Variants in TASP1 observed in about 807,000 individuals in gnomAD.
The protein encoded by TASP1 is taspase 1.
Under a neutral mutation model 56.6 loss-of-function variants are expected in TASP1, and 16 were observed. The ratio of observed to expected loss-of-function variants is 0.28; its 90% CI spans 0.19 to 0.43. TASP1 has a LOEUF of 0.43. Ranked by LOEUF, TASP1 falls within the 20% of genes least tolerant of loss-of-function variation. The pLI is 1.00. For synonymous variants in TASP1, 179 were observed against 184.2 expected, an observed-to-expected ratio of 0.97 and a Z score of 0.23; for missense variants, 393 against 511.6, an observed-to-expected ratio of 0.77 and a Z score of 2.24.
intron 10 of TASP1, among the ~76,000 whole-genome samples, chr20:13,525,750 A>T (rs746255353): frequency 6.6e-6 from 1 of 152,138 alleles, no homozygotes; most frequent in Non-Finnish European, 1.5e-5. Flanking sequence ...TCCATTGTCA[A>T]CTTCATAGCA....
chr20:13,622,044 C>T (rs535383073), intron 4 of TASP1, among the ~76,000 whole-genome samples: 2 of 152,250 alleles, frequency 1.3e-5, no homozygotes, highest in South Asian at 2.1e-4. Context: ...ATATAATTAA[C>T]CTTTCTTTGA....
the TASP1 span, among the ~76,000 whole-genome samples, chr20:13,294,687 T>C: frequency 2.6e-5 from 4 of 152,116 alleles, no homozygotes; most frequent in African/African-American, 7.2e-5. Context: ...AGTGGAAGGA[T>C]TGAACTTTCA....
the TASP1 span, among the ~76,000 whole-genome samples, chr20:13,271,967 C>T: frequency 6.6e-6 from 1 of 152,034 alleles, no homozygotes; most frequent in Non-Finnish European, 1.5e-5. Flanking sequence ...TTTGTAGAAA[C>T]AGGGTTTTGC....
intron 7 of TASP1, among the ~76,000 whole-genome samples, chr20:13,562,290 C>T (rs2046369441): frequency 6.6e-6 from 1 of 151,868 alleles, no homozygotes; most frequent in Non-Finnish European, 1.5e-5. Context: ...TGGCTATAAA[C>T]ACATTAAAAA....
the TASP1 span, among the ~76,000 whole-genome samples, chr20:13,173,172 C>T: frequency 6.6e-6 from 1 of 152,064 alleles, no homozygotes; most frequent in South Asian, 2.1e-4. Context: ...GCTGGCAAGC[C>T]CTATTTCCAA....
the TASP1 span, among the ~76,000 whole-genome samples, chr20:13,374,163 C>A: frequency 6.6e-6 from 1 of 152,100 alleles, no homozygotes; most frequent in East Asian, 1.9e-4. Context: ...CTTCTTTAAG[C>A]ATTTTTAAAA....
the TASP1 span, among the ~76,000 whole-genome samples, chr20:13,291,738 G>A: frequency 2.0e-5 from 3 of 152,180 alleles, no homozygotes; most frequent in Non-Finnish European, 4.4e-5. Flanking sequence ...CCTAGAATAT[G>A]AGATAACTCT....
intron 10 of TASP1, among the ~76,000 whole-genome samples, chr20:13,520,644 C>A (rs6042195): frequency 0.6 from 91,181 of 152,034 alleles, 28,099 homozygotes; most frequent in Non-Finnish European, 0.67. Context: ...AAAGACTTAA[C>A]TGTTAGACCT....
chr20:13,333,043 T>G, the TASP1 span, among the ~76,000 whole-genome samples: 1 of 152,236 alleles, frequency 6.6e-6, no homozygotes, highest in Non-Finnish European at 1.5e-5. Context: ...TCTGCTTATG[T>G]GCATGCTCCG....
chr20:13,263,279 C>G, the TASP1 span, among the ~76,000 whole-genome samples: 1 of 152,106 alleles, frequency 6.6e-6, no homozygotes, highest in East Asian at 1.9e-4. Context: ...CAGTTTTTCC[C>G]CAGTGCATCC....
At chr20:13,377,615 T>C in the TASP1 span, among the ~76,000 whole-genome samples, 1 of 152,194 alleles carries the variant, frequency 6.6e-6, no homozygotes, top group African/African-American at 2.4e-5. Context: ...ATTCCCTCTT[T>C]TTCTATTGTT....
chr20:13,376,557 G>C, the TASP1 span, among the ~76,000 whole-genome samples: 2 of 152,166 alleles, frequency 1.3e-5, no homozygotes, highest in Non-Finnish European at 2.9e-5. Flanking sequence ...TGGCTATATG[G>C]GCTCTTTTTC....
At chr20:13,323,576 T>C in the TASP1 span, among the ~76,000 whole-genome samples, 1 of 152,226 alleles carries the variant, frequency 6.6e-6, no homozygotes, top group Non-Finnish European at 1.5e-5. Context: ...GCCATTTACT[T>C]TGTTAGGCAA....
chr20:13,115,422 T>C, the TASP1 span, among the ~76,000 whole-genome samples: 1 of 152,152 alleles, frequency 6.6e-6, no homozygotes, highest in Non-Finnish European at 1.5e-5. Flanking sequence ...ACCAGCCCCA[T>C]GGAAGGATGG....
chr20:13,327,612 T>C, the TASP1 span, among the ~76,000 whole-genome samples: 5 of 152,032 alleles, frequency 3.3e-5, no homozygotes, highest in African/African-American at 1.2e-4. Context: ...AACAGACACA[T>C]AGACCAGTGG....
chr20:13,382,333 C>T, the TASP1 span, among the ~76,000 whole-genome samples: 1 of 152,198 alleles, frequency 6.6e-6, no homozygotes, highest in Non-Finnish European at 1.5e-5. Flanking sequence ...AGAAGTAGAA[C>T]ATCCCCAAAC....
chr20:13,253,961 T>C, the TASP1 span, among the ~76,000 whole-genome samples: 1 of 150,620 alleles, frequency 6.6e-6, no homozygotes, highest in African/African-American at 2.4e-5. Context: ...CTCATGCCTA[T>C]AATCCCAGCA....
the TASP1 span, among the ~76,000 whole-genome samples, chr20:13,129,756 A>AT: frequency 6.6e-6 from 1 of 152,246 alleles, no homozygotes; most frequent in South Asian, 2.1e-4. Flanking sequence ...ATCTGCAGAA[A>AT]GATTACATTA....
chr20:13,214,554 C>G, the TASP1 span, among the ~76,000 whole-genome samples: 5,733 of 103,310 alleles, frequency 0.055, 163 homozygotes, highest in African/African-American at 0.086. Flanking sequence ...CACACACACA[C>G]ACACACACAG....
Sources: gnomAD v4.1 joint callset for allele counts (sites outside exome capture counted in the v4.1 genomes callset) on GRCh38, gnomAD v4.1.1 for gene constraint, MANE v1.5 for transcripts, NCBI Gene and HGNC (gene_info 2026-07-23, HGNC 2026-07-21) for gene names.